PAQR5: variants seen among roughly 807,000 people sequenced by gnomAD.
The protein encoded by PAQR5 is progestin and adipoQ receptor family member 5.
A neutral mutation model predicts 34.5 loss-of-function variants in PAQR5; 20 were observed. The ratio of observed to expected loss-of-function variants is 0.58; its 90% confidence interval spans 0.41 to 0.84. PAQR5 has a LOEUF of 0.84. Among genes scored for constraint, PAQR5 ranks in the 40% least tolerant of loss-of-function variants. PAQR5 has a pLI of 0.00. For synonymous variants in PAQR5, 131 were observed against 155.6 expected (o/e 0.84, Z 1.18); for missense variants, 378 against 412.7 (o/e 0.92, Z 0.73).
chr15:69,310,902 G>A (rs113676415), intron 1 of PAQR5, among the ~76,000 whole-genome samples: 6 of 151,460 alleles, frequency 4.0e-5, no homozygotes, highest in Non-Finnish European at 8.8e-5. Flanking sequence ...AGCCGGGTGT[G>A]GTGGCGGGCG....
At chr15:69,334,959 A>G (rs978153956) in intron 1 of PAQR5, among the ~76,000 whole-genome samples, 2 of 152,154 alleles carry the variant, frequency 1.3e-5, no homozygotes, top group Non-Finnish European at 2.9e-5. Flanking sequence ...GCGGTGGCTC[A>G]CGCCTGTAAT....
chr15:69,300,691 C>CCTCTCTCT, intron 1 of PAQR5, among the ~76,000 whole-genome samples: 1 of 3,708 alleles, frequency 2.7e-4, no homozygotes, highest in South Asian at 0.024. Context: ...TTCCTCCCTC[C>CCTCTCTCT]CTCTCTCTCT....
At chr15:69,364,979 A>G (rs934342197) in intron 3 of PAQR5, among the ~76,000 whole-genome samples, 14 of 151,702 alleles carry the variant, frequency 9.2e-5, no homozygotes, top group Non-Finnish European at 1.8e-4. Flanking sequence ...CTCGTGATTC[A>G]CCTGCCTTGG....
chr15:69,309,707 T>A (rs943656440), intron 1 of PAQR5, among the ~76,000 whole-genome samples: 1 of 152,072 alleles, frequency 6.6e-6, no homozygotes, highest in African/African-American at 2.4e-5. Context: ...GCGTCTTAAT[T>A]TTTCCACCTA....
intron 1 of PAQR5, among the ~76,000 whole-genome samples, chr15:69,333,660 G>A (rs2054444017): frequency 6.6e-6 from 1 of 152,132 alleles, no homozygotes; most frequent in Admixed American, 6.5e-5. Context: ...CTCCTGTTGG[G>A]GATCCAGGAT....
intron 2 of PAQR5, among the ~76,000 whole-genome samples, chr15:69,341,626 A>G (rs2054646748): frequency 6.6e-6 from 1 of 152,126 alleles, no homozygotes. Context: ...CCTTTTGGTC[A>G]TTGTGAGTAA....
chr15:69,334,112 C>T (rs2054455703), intron 1 of PAQR5, among the ~76,000 whole-genome samples: 1 of 152,276 alleles, frequency 6.6e-6, no homozygotes, highest in Non-Finnish European at 1.5e-5. Flanking sequence ...ACTGCAACCT[C>T]CACCTCCCGG....
At chr15:69,395,537 C>G (rs1282233555) in intron 6 of PAQR5, among the ~76,000 whole-genome samples, 46 of 152,216 alleles carry the variant, frequency 3.0e-4, no homozygotes, top group Admixed American at 2.9e-3. Context: ...GTGCCATGCA[C>G]AGTTCTAAAC....
At chr15:69,366,289 T>G (rs980772179) in intron 3 of PAQR5, among the ~76,000 whole-genome samples, 4 of 152,234 alleles carry the variant, frequency 2.6e-5, no homozygotes, top group Admixed American at 2.6e-4. Flanking sequence ...TATCAGTACT[T>G]TGTTTTAATG....
chr15:69,300,621 CTT>C (rs1192724362), intron 1 of PAQR5, among the ~76,000 whole-genome samples: 29 of 54,224 alleles, frequency 5.3e-4, no homozygotes, highest in East Asian at 1.0e-3. Flanking sequence ...TTCTTTCTTT[CTT>C]TCTTTCTTTC....
rs1022378308 is a variant in PAQR5 at position 69,385,911 on chromosome 15, C to T, written c.385+1029C>T. Among the ~76,000 whole-genome samples the T allele has an allele frequency of 5.9e-5, 9 of 151,590 alleles. No homozygotes were observed. Among genetic ancestry groups the T allele is most frequent in the Non-Finnish European group, 1.0e-4 (7 of 67,894 alleles). ...CACACATTGACACACACACAATACA[C>T]TCACATACACACACTCACACCACAT... is the stretch of plus-strand genomic sequence containing the variant. On this transcript the variant is annotated intron_variant, in intron 5 of 8. Transcript: ENST00000395407. The surrounding 1 kb of genome is among the most constrained non-coding windows in gnomAD (Gnocchi z 4.7).
At chr15:69,345,121 G>GAGAAAGAAGAAAGGAAAGAA (rs796249437) in intron 2 of PAQR5, among the ~76,000 whole-genome samples, 6 of 149,544 alleles carry the variant, frequency 4.0e-5, no homozygotes, top group Non-Finnish European at 7.4e-5. Context: ...AAAAAGAAAA[G>GAGAAAGAAGAAAGGAAAGAA]AGAAAGAAGA....
At chr15:69,397,654 A>G (rs1332279779) in intron 7 of PAQR5, 90 bp downstream of exon 7, 2 of 875,862 alleles carry the variant, frequency 2.3e-6, no homozygotes, top group South Asian at 1.3e-5. Context: ...CAGCACTGCA[A>G]TGGGAACCGC....
intron 1 of PAQR5, among the ~76,000 whole-genome samples, chr15:69,313,272 G>T (rs1285153599): frequency 6.6e-6 from 1 of 152,206 alleles, no homozygotes; most frequent in Non-Finnish European, 1.5e-5. Context: ...GCCAAGGAGG[G>T]AGGATCCCCT....
At chr15:69,328,118 T>C (rs1247738407) in intron 1 of PAQR5, among the ~76,000 whole-genome samples, 2 of 152,200 alleles carry the variant, frequency 1.3e-5, no homozygotes, top group Non-Finnish European at 2.9e-5. Context: ...ATCCAGGTCC[T>C]GTCATTCAGG....
intron 1 of PAQR5, among the ~76,000 whole-genome samples, chr15:69,319,527 G>T (rs34324378): frequency 0.4 from 61,195 of 151,306 alleles, 12,597 homozygotes; most frequent in African/African-American, 0.5. Flanking sequence ...CACCCCAAGG[G>T]ACCCTGATTC....
intron 1 of PAQR5, among the ~76,000 whole-genome samples, chr15:69,304,503 C>A (rs562216604): frequency 2.6e-5 from 4 of 152,148 alleles, no homozygotes; most frequent in African/African-American, 9.7e-5. Context: ...CCAGCAGGTG[C>A]GAGAGCTACA....
intron 2 of PAQR5, among the ~76,000 whole-genome samples, chr15:69,345,904 A>G (rs2054756596): frequency 6.6e-6 from 1 of 152,232 alleles, no homozygotes; most frequent in African/African-American, 2.4e-5. Flanking sequence ...GTGAATAGCC[A>G]CTGCACTGAA....
At chr15:69,390,435 G>A (rs899344518) in intron 6 of PAQR5, among the ~76,000 whole-genome samples, 2 of 149,806 alleles carry the variant, frequency 1.3e-5, no homozygotes, top group South Asian at 2.1e-4. Flanking sequence ...CTGTAGCCTC[G>A]CCTTCCTGGG....
Sources: allele counts gnomAD v4.1 joint callset (sites outside exome capture counted in the v4.1 genomes callset), GRCh38; gene constraint gnomAD v4.1.1; non-coding constraint Gnocchi (gnomAD v3.1); transcripts MANE v1.5; gene names NCBI Gene and HGNC (gene_info 2026-07-23, HGNC 2026-07-21).